USP54: variants seen among roughly 807,000 people sequenced by gnomAD.
USP54 encodes the protein ubiquitin specific peptidase 54, also known as ubiquitin carboxyl-terminal hydrolase 54.
Under a neutral mutation model 170.5 loss-of-function variants are expected in USP54, and 87 were observed. The ratio of observed to expected loss-of-function variants is 0.51; its 90% CI spans 0.43 to 0.61. USP54 has a LOEUF of 0.61. Ranked by LOEUF, USP54 falls within the 20% of genes least tolerant of loss-of-function variation. USP54 has a pLI of 0.00. For synonymous variants in USP54, 655 were observed against 742.8 expected, an observed-to-expected ratio of 0.88 and a Z score of 1.92; for missense variants, 1,786 against 2,047.8, an observed-to-expected ratio of 0.87 and a Z score of 2.47.
At chr10:73,607,114 A>G (rs1178630076) in intron 1 of USP54, among the ~76,000 whole-genome samples, 1 of 151,908 alleles carries the variant, frequency 6.6e-6, no homozygotes. Flanking sequence ...GTTTGAGACC[A>G]GCCTGGGCAA....
chr10:73,542,749 C>G lies in USP54; in HGVS notation c.572+54G>C, dbSNP rs997761623. 5 of 1,485,802 alleles carry G rather than the reference C, an allele frequency of 3.4e-6. No homozygotes were observed. The African/African-American group carries it at 5.7e-5, about 17-fold the overall frequency. 92.0% of individuals were successfully genotyped at this position (1,485,802 alleles called of 1,614,324 possible). On this transcript the variant is annotated intron_variant, in intron 7 of 23. Coordinates refer to ENST00000687698, the MANE Select transcript of USP54 (RefSeq NM_001391956.1). ...CTGTCTCAAAAAAAAAAAAAAAAGT[C>G]CAATCAACTGGAGGAATGCCTAAAC...
intron 17 of USP54, among the ~76,000 whole-genome samples, chr10:73,522,593 A>G (rs909524904): frequency 2.0e-5 from 3 of 152,256 alleles, no homozygotes; most frequent in African/African-American, 7.2e-5. Context: ...TGGGACACCA[A>G]TGTGATACAG....
intron 22 of USP54, 197 bp downstream of exon 22, chr10:73,504,653 A>G: frequency 1.4e-6 from 1 of 715,606 alleles, no homozygotes; most frequent in Non-Finnish European, 2.2e-6. Context: ...GAACTGCTAC[A>G]TGGAATGGAC....
intron 19 of USP54, 149 bp downstream of exon 19, chr10:73,519,648 A>C (rs2061603849): frequency 1.6e-5 from 19 of 1,224,946 alleles, no homozygotes; most frequent in Non-Finnish European, 2.1e-5. Context: ...TGAGCTTTTC[A>C]CTGTATGTCT....
intron 4 of USP54, among the ~76,000 whole-genome samples, chr10:73,569,530 C>T (rs532122698): frequency 8.2e-4 from 124 of 152,024 alleles, no homozygotes; most frequent in South Asian, 1.7e-3. Flanking sequence ...GCCTGTAATC[C>T]CAGCACTTTG....
At chr10:73,512,064 T>C (rs376703356) in intron 20 of USP54, among the ~76,000 whole-genome samples, 1 of 152,050 alleles carries the variant, frequency 6.6e-6, no homozygotes, top group Admixed American at 6.6e-5. Flanking sequence ...TTTTTTCATA[T>C]GTGAATCCTA....
chr10:73,545,664 A>G lies in USP54; in HGVS notation c.249T>C (p.Phe83=). ...SCIFCALKGI[F]NQFQCSSEKV... is the part of the protein sequence containing the mutation. Reference sequence around the variant, plus strand: ...TTTCACTACTACACTGAAACTGGTTAAAGATTCCCTATAGGGAAGAGGTTA... The same window carrying G: ...TTTCACTACTACACTGAAACTGGTTGAAGATTCCCTATAGGGAAGAGGTTA... The change falls in exon 5 of 24, where the codon TTT becomes TTC. Residue 83 remains phenylalanine, a synonymous_variant. Transcript: ENST00000687698. 2 of 1,614,168 alleles carry G rather than the reference A, an allele frequency of 1.2e-6. No individual in the cohort carries two copies. The highest frequency in any genetic ancestry group is 2.2e-5 in the South Asian group (2 of 91,086).
chr10:73,515,760 C>G (rs1231338898), intron 20 of USP54: 2 of 151,504 alleles, frequency 1.3e-5, no homozygotes, highest in Non-Finnish European at 2.9e-5. Context: ...CTGAATCACT[C>G]TCAAACACCT....
chr10:73,519,365 C>T (rs1416748235), intron 19 of USP54: 1 of 196,790 alleles, frequency 5.1e-6, no homozygotes, highest in African/African-American at 2.3e-5. Context: ...TGTGTCTCTT[C>T]TCTATGGTGC....
rs777696217 is a variant in USP54 at position 73,500,715 on chromosome 10, GTGGT to G, written c.4431_4434del (p.Gln1477HisfsTer9). 1.2e-5 allele frequency: 19 copies of G among 1,607,998 alleles called. No homozygotes were observed. Among genetic ancestry groups the G allele is most frequent in the Non-Finnish European group, 1.5e-5 (18 of 1,177,226 alleles). On this transcript the variant is annotated frameshift_variant, in exon 23 of 24. Coordinates refer to ENST00000687698, the MANE Select transcript of USP54 (RefSeq NM_001391956.1). LOFTEE classifies it high-confidence loss of function. ...ATCAGGACATCTGGGGACAGGAACT[GTGGT>G]TGGGGAAGGTAGAGTTGGGGACCGA...
rs576537383 is a variant in USP54, at chr10:73,498,016, C to G, written c.*613G>C. ...AGGAATAAAATGTGACCTTAAAATC[C>G]TAAGGAATGGCTAGTATCCAGAGTA... is the stretch of plus-strand genomic sequence containing the variant. On this transcript the variant is annotated 3_prime_UTR_variant, in exon 24 of 24. Coordinates refer to ENST00000687698, the MANE Select transcript of USP54 (RefSeq NM_001391956.1). 3 of 152,384 alleles carry G rather than the reference C, an allele frequency of 2.0e-5. No individual in the cohort carries two copies. In the East Asian group the frequency reaches 5.8e-4, roughly 29 times the overall value. The allele number at this position is 152,384 out of a possible 1,614,324, so 9.4% of individuals were successfully genotyped here. A position where few individuals can be genotyped will look rare whatever the true frequency, so the allele number is the denominator to read the frequency against.
At chr10:73,580,312 C>G (rs1307637426) in intron 1 of USP54, among the ~76,000 whole-genome samples, 1 of 146,122 alleles carries the variant, frequency 6.8e-6, no homozygotes, top group African/African-American at 2.5e-5. Flanking sequence ...GAGAAAGACC[C>G]CATTTCAAAA....
chr10:73,555,869 G>A (rs1033723932), intron 4 of USP54, among the ~76,000 whole-genome samples: 3 of 152,164 alleles, frequency 2.0e-5, no homozygotes, highest in South Asian at 2.1e-4. Flanking sequence ...CCTTGCAGTC[G>A]TACCCCTTCT....
chr10:73,573,999 C>A (rs1403039413), intron 3 of USP54, among the ~76,000 whole-genome samples: 1 of 152,188 alleles, frequency 6.6e-6, no homozygotes, highest in Non-Finnish European at 1.5e-5. Flanking sequence ...TTTCTCATAA[C>A]ATCTGAGGAG....
At position 73,511,047 on chromosome 10, in the gene USP54, GAGA is replaced by G. The variant is rs138034046; in HGVS notation, c.4051+5325_4051+5327del. Reference sequence around the variant, plus strand: ...CCTGGGGTTGGGGGAAGAAAAGGAGGAGATAAAGAGTGATTTGCCAACGGGTAC... The same window carrying G: ...CCTGGGGTTGGGGGAAGAAAAGGAGGTAAAGAGTGATTTGCCAACGGGTAC... On this transcript the variant is annotated intron_variant, in intron 20 of 23. Transcript: ENST00000687698. 7.6e-3 allele frequency among the ~76,000 whole-genome samples: 1,152 copies of G among 151,382 alleles called. 14 individuals carry two copies. Among genetic ancestry groups the G allele is most frequent in the African/African-American group, 0.026 (1,088 of 41,270 alleles).
chr10:73,557,946 G>A (rs938362608), intron 4 of USP54, among the ~76,000 whole-genome samples: 11 of 136,680 alleles, frequency 8.0e-5, no homozygotes, highest in South Asian at 4.6e-4. Context: ...GCAGTGGCTC[G>A]ATCTCGGCTC....
intron 4 of USP54, among the ~76,000 whole-genome samples, chr10:73,557,300 G>A (rs1338089497): frequency 1.3e-5 from 2 of 151,950 alleles, no homozygotes; most frequent in African/African-American, 4.8e-5. Flanking sequence ...GAGGGGACAG[G>A]GTAATTAGCA....
At chr10:73,506,641 C>T (rs1050913074) in intron 20 of USP54, 5 of 152,078 alleles carry the variant, frequency 3.3e-5, no homozygotes, top group Non-Finnish European at 7.4e-5. Flanking sequence ...TCAATACCAC[C>T]TCAGATTCAT....
intron 1 of USP54, among the ~76,000 whole-genome samples, chr10:73,578,836 T>C (rs1366939756): frequency 6.6e-6 from 1 of 151,948 alleles, no homozygotes; most frequent in Admixed American, 6.6e-5. Flanking sequence ...TTACATCTTA[T>C]ACAAAAATAA....
Sources: gnomAD v4.1 joint callset for allele counts (sites outside exome capture counted in the v4.1 genomes callset) on GRCh38, gnomAD v4.1.1 for gene constraint, MANE v1.5 for transcripts, NCBI Gene and HGNC (gene_info 2026-07-23, HGNC 2026-07-21) for gene names.